Variants in PIBF1 observed in about 807,000 individuals in gnomAD.
PIBF1 encodes progesterone-induced-blocking factor 1.
In PIBF1, 90 loss-of-function variants were observed where a neutral mutation model predicts 112.5. The observed-to-expected ratio is 0.80, with a 90% CI of 0.67 to 0.95. The LOEUF (loss-of-function observed/expected upper bound fraction) is 0.95. Among genes scored for constraint, PIBF1 ranks in the 40% least tolerant of loss-of-function variants. The pLI, the probability that PIBF1 is intolerant of heterozygous loss-of-function variation, is 0.00. For synonymous variants in PIBF1, 301 were observed against 288.6 expected, an observed-to-expected ratio of 1.04 and a Z score of -0.44; for missense variants, 915 against 852.3, an observed-to-expected ratio of 1.07 and a Z score of -0.92.
At chr13:72,790,314 G>A (rs759626715) in intron 2 of PIBF1, among the ~76,000 whole-genome samples, 14 of 151,990 alleles carry the variant, frequency 9.2e-5, no homozygotes, top group Non-Finnish European at 1.9e-4. Context: ...ATGGAAGGCT[G>A]GGAGAAAACT....
intron 14 of PIBF1, among the ~76,000 whole-genome samples, chr13:72,954,758 T>C (rs1469763714): frequency 6.6e-6 from 1 of 152,242 alleles, no homozygotes; most frequent in Non-Finnish European, 1.5e-5. Context: ...ACCACTTCTT[T>C]TAAAGGATCT....
chr13:73,006,948 C>CT, intron 17 of PIBF1, among the ~76,000 whole-genome samples: 1 of 151,844 alleles, frequency 6.6e-6, no homozygotes, highest in South Asian at 2.1e-4. Context: ...ATATAGTATA[C>CT]TTTAGGGCCT....
At chr13:72,910,554 A>G (rs1267125607) in intron 12 of PIBF1, among the ~76,000 whole-genome samples, 2 of 152,222 alleles carry the variant, frequency 1.3e-5, no homozygotes, top group African/African-American at 4.8e-5. Flanking sequence ...GAAATATTGA[A>G]TACTTTCCCC....
intron 14 of PIBF1, among the ~76,000 whole-genome samples, chr13:72,937,715 T>G (rs1483869203): frequency 1.3e-5 from 2 of 152,060 alleles, no homozygotes; most frequent in African/African-American, 4.8e-5. Flanking sequence ...CTCGGGAGGC[T>G]GAGGCAGGAG....
intron 10 of PIBF1, among the ~76,000 whole-genome samples, chr13:72,872,306 A>T (rs2039201672): frequency 6.6e-6 from 1 of 152,208 alleles, no homozygotes; most frequent in African/African-American, 2.4e-5. Context: ...GTAGTTTGAG[A>T]TGATAGTGAT....
chr13:72,929,731 G>A (rs1042869810), intron 13 of PIBF1, among the ~76,000 whole-genome samples: 5 of 152,090 alleles, frequency 3.3e-5, no homozygotes, highest in African/African-American at 9.6e-5. Flanking sequence ...CATCTCTAAT[G>A]CCAGTTGAAA....
intron 10 of PIBF1, among the ~76,000 whole-genome samples, chr13:72,873,348 A>C (rs564535068): frequency 6.6e-6 from 1 of 152,330 alleles, no homozygotes; most frequent in South Asian, 2.1e-4. Flanking sequence ...ACCTTGAGTT[A>C]TCAAAGGTTG....
rs1457803654 is a variant in PIBF1 at position 72,827,572 on chromosome 13, A to G, written c.916-161A>G. 3.3e-5 allele frequency among the ~76,000 whole-genome samples: 5 copies of G among 152,120 alleles called. No individual in the cohort carries two copies. The East Asian group carries it at 9.6e-4, about 29-fold the overall frequency. On this transcript the variant is annotated intron_variant, in intron 7 of 17. Coordinates refer to ENST00000326291, the MANE Select transcript of PIBF1 (RefSeq NM_006346.4). Reference sequence around the variant, plus strand: ...CCCCAAAAAGAGACTTTTAGTAGCTATTTTTAGATTTTAAAAAAGTTGCAT... The same window carrying G: ...CCCCAAAAAGAGACTTTTAGTAGCTGTTTTTAGATTTTAAAAAAGTTGCAT...
rs142851857 is a variant in PIBF1, at chr13:72,820,633, A to C, written c.673-1216A>C. Among the ~76,000 whole-genome samples, 30 of 152,278 alleles carry C rather than the reference A, an allele frequency of 2.0e-4. No individual in the cohort carries two copies. In the East Asian group the frequency reaches 5.8e-3, roughly 29 times the overall value. On this transcript the variant is annotated intron_variant, in intron 5 of 17. Coordinates refer to ENST00000326291, the MANE Select transcript of PIBF1 (RefSeq NM_006346.4). The stretch of plus-strand genomic sequence containing the variant: ...AGTTTAAAAAGGACAAAATCGTCTT[A>C]CTCATCTTTGTATCTGTAGTGCCTA...
intron 14 of PIBF1, among the ~76,000 whole-genome samples, chr13:72,957,164 A>G (rs931188647): frequency 6.6e-6 from 1 of 152,198 alleles, no homozygotes; most frequent in Admixed American, 6.5e-5. Flanking sequence ...ACTACTGGGT[A>G]TCTGCCCAGA....
chr13:72,959,104 T>C (rs541327854), intron 14 of PIBF1, among the ~76,000 whole-genome samples: 3 of 152,338 alleles, frequency 2.0e-5, no homozygotes, highest in Middle Eastern at 3.4e-3. Context: ...CAAGCAGCTC[T>C]TGTGCCTCAG....
At chr13:72,948,260 A>T (rs550578730) in intron 14 of PIBF1, among the ~76,000 whole-genome samples, 1 of 152,084 alleles carries the variant, frequency 6.6e-6, no homozygotes, top group Non-Finnish European at 1.5e-5. Context: ...TCCCCCAGAT[A>T]CCCTAAATCA....
At chr13:72,913,688 T>G (rs1049349495) in intron 12 of PIBF1, among the ~76,000 whole-genome samples, 1 of 151,652 alleles carries the variant, frequency 6.6e-6, no homozygotes, top group Non-Finnish European at 1.5e-5. Context: ...GCCTGAGCCC[T>G]GAACGTCAAG....
chr13:72,948,495 A>G (rs1020171990), intron 14 of PIBF1, among the ~76,000 whole-genome samples: 1 of 151,870 alleles, frequency 6.6e-6, no homozygotes, highest in Non-Finnish European at 1.5e-5. Context: ...ATTTTCACAC[A>G]TTTTCCTGTC....
chr13:72,858,897 T>A (rs2038565433), intron 10 of PIBF1, among the ~76,000 whole-genome samples: 1 of 152,214 alleles, frequency 6.6e-6, no homozygotes, highest in Non-Finnish European at 1.5e-5. Flanking sequence ...GGTAGTAGAT[T>A]CTTGCAACTA....
intron 9 of PIBF1, among the ~76,000 whole-genome samples, chr13:72,844,117 T>C (rs1427641771): frequency 6.6e-6 from 1 of 152,212 alleles, no homozygotes; most frequent in African/African-American, 2.4e-5. Flanking sequence ...ACACATTTTA[T>C]GAAGTTTAGG....
chr13:72,787,426 T>G (rs1265114051), intron 2 of PIBF1, among the ~76,000 whole-genome samples: 1 of 152,166 alleles, frequency 6.6e-6, no homozygotes, highest in African/African-American at 2.4e-5. Context: ...CAGAAGTATA[T>G]TGGACTCCTG....
chr13:72,794,303 T>G (rs972140484), intron 3 of PIBF1, among the ~76,000 whole-genome samples: 1 of 152,122 alleles, frequency 6.6e-6, no homozygotes, highest in African/African-American at 2.4e-5. Context: ...ACAATAATTA[T>G]AGACAACTTT....
intron 16 of PIBF1, among the ~76,000 whole-genome samples, chr13:72,975,239 G>A (rs1354823625): frequency 6.6e-6 from 1 of 151,904 alleles, no homozygotes; most frequent in Non-Finnish European, 1.5e-5. Context: ...GTTTTTAATA[G>A]AGACTGGGTT....
Sources: allele counts gnomAD v4.1 joint callset (sites outside exome capture counted in the v4.1 genomes callset), GRCh38; gene constraint gnomAD v4.1.1; transcripts MANE v1.5; gene names NCBI Gene and HGNC (gene_info 2026-07-23, HGNC 2026-07-21).